SDCCAG8: variants seen among roughly 807,000 people sequenced by gnomAD.
SDCCAG8 encodes the protein SHH signaling and ciliogenesis regulator SDCCAG8.
Under a neutral mutation model 101.8 loss-of-function variants are expected in SDCCAG8, and 74 were observed. The observed-to-expected ratio is 0.73, with a 90% CI of 0.60 to 0.88. The LOEUF (loss-of-function observed/expected upper bound fraction) is 0.88. Among genes scored for constraint, SDCCAG8 ranks in the 40% least tolerant of loss-of-function variants. The pLI is 0.00. For synonymous variants in SDCCAG8, 281 were observed against 292.9 expected (o/e 0.96, Z 0.41); for missense variants, 787 against 822.6 (o/e 0.96, Z 0.53).
intron 16 of SDCCAG8, among the ~76,000 whole-genome samples, chr1:243,447,705 G>A (rs964594816): frequency 6.6e-6 from 1 of 152,106 alleles, no homozygotes; most frequent in Non-Finnish European, 1.5e-5. Flanking sequence ...TTTTTAGAGA[G>A]TCAGAATGTA....
chr1:243,402,407 A>T (rs933419929), intron 13 of SDCCAG8, among the ~76,000 whole-genome samples: 6 of 99,680 alleles, frequency 6.0e-5, no homozygotes, highest in South Asian at 2.8e-4. Flanking sequence ...TGTCTCAATT[A>T]AAAAAAAAAA....
chr1:243,293,274 T>C, intron 6 of SDCCAG8, 55 bp downstream of exon 6: 2 of 1,565,262 alleles, frequency 1.3e-6, no homozygotes, highest in Non-Finnish European at 1.7e-6. Context: ...TTCTCTTTTG[T>C]ACTTTTTTAA....
chr1:243,378,532 A>G (rs2077736410), intron 12 of SDCCAG8, among the ~76,000 whole-genome samples, 189 bp from the exon 13 acceptor site: 1 of 152,248 alleles, frequency 6.6e-6, no homozygotes, highest in Admixed American at 6.5e-5. Flanking sequence ...TTTACAATCC[A>G]AAATAAAACC....
intron 7 of SDCCAG8, chr1:243,305,081 C>A (rs771860998): frequency 9.9e-6 from 3 of 303,802 alleles, no homozygotes; most frequent in Non-Finnish European, 1.9e-5. Context: ...CTGAAGCGGG[C>A]GAATCACGAG....
At chr1:243,312,286 T>TA (rs1173052466) in intron 8 of SDCCAG8, among the ~76,000 whole-genome samples, 1 of 152,242 alleles carries the variant, frequency 6.6e-6, no homozygotes, top group African/African-American at 2.4e-5. Flanking sequence ...ATGGAATGTT[T>TA]AAAAATGATA....
At chr1:243,377,203 A>C (rs1052825924) in intron 12 of SDCCAG8, among the ~76,000 whole-genome samples, 4 of 152,146 alleles carry the variant, frequency 2.6e-5, no homozygotes, top group African/African-American at 9.6e-5. Flanking sequence ...TCTTACATAT[A>C]GGACTGTGTA....
At chr1:243,345,795 AG>A (rs2075667585) in intron 12 of SDCCAG8, among the ~76,000 whole-genome samples, 1 of 152,240 alleles carries the variant, frequency 6.6e-6, no homozygotes. Context: ...TTGCAATATT[AG>A]AAGTATTTGC....
intron 7 of SDCCAG8, chr1:243,305,029 G>A (rs1283658962): frequency 1.9e-5 from 8 of 432,190 alleles, no homozygotes; most frequent in African/African-American, 1.0e-4. Flanking sequence ...AATCACGGCC[G>A]GGCGCGGTGG....
intron 16 of SDCCAG8, among the ~76,000 whole-genome samples, chr1:243,482,693 G>T (rs142214461): frequency 6.6e-6 from 1 of 152,324 alleles, no homozygotes; most frequent in Admixed American, 6.5e-5. Context: ...GAGGGCCGGG[G>T]AGCACAGGGG....
At chr1:243,427,006 A>G (rs959417927) in intron 16 of SDCCAG8, among the ~76,000 whole-genome samples, 4 of 152,138 alleles carry the variant, frequency 2.6e-5, no homozygotes, top group Non-Finnish European at 5.9e-5. Context: ...TACAAACAAA[A>G]CCTTCACTTC....
At chr1:243,321,995 TG>T (rs1419110478) in intron 9 of SDCCAG8, among the ~76,000 whole-genome samples, 1 of 152,244 alleles carries the variant, frequency 6.6e-6, no homozygotes, top group African/African-American at 2.4e-5. Flanking sequence ...ACATTTGAGT[TG>T]ATGTATCTTT....
At chr1:243,351,806 A>G (rs1186269189) in intron 12 of SDCCAG8, among the ~76,000 whole-genome samples, 1 of 152,228 alleles carries the variant, frequency 6.6e-6, no homozygotes, top group East Asian at 1.9e-4. Flanking sequence ...TTATTTTTCT[A>G]AAATGCTGTG....
chr1:243,406,292 A>T (rs1416879048), intron 13 of SDCCAG8, among the ~76,000 whole-genome samples: 1 of 152,176 alleles, frequency 6.6e-6, no homozygotes, highest in Non-Finnish European at 1.5e-5. Flanking sequence ...GTATAATAGG[A>T]TACAGTAGTG....
intron 16 of SDCCAG8, among the ~76,000 whole-genome samples, chr1:243,477,033 C>CACACACACACACACACAGAGAG (rs942231630): frequency 6.7e-6 from 1 of 150,320 alleles, no homozygotes; most frequent in Non-Finnish European, 1.5e-5. Context: ...CACACACACA[C>CACACACACACACACACAGAGAG]AGAGAGAAAG....
At chr1:243,317,202 G>T (rs958500260) in intron 9 of SDCCAG8, among the ~76,000 whole-genome samples, 1 of 152,034 alleles carries the variant, frequency 6.6e-6, no homozygotes, top group Non-Finnish European at 1.5e-5. Context: ...TTAACACCCA[G>T]GCATTAGTTT....
At chr1:243,425,589 A>G (rs907458643) in intron 15 of SDCCAG8, among the ~76,000 whole-genome samples, 6 of 152,188 alleles carry the variant, frequency 3.9e-5, no homozygotes, top group African/African-American at 1.4e-4. Flanking sequence ...CTCATAATAT[A>G]CAAGAGTTTT....
chr1:243,480,327 TGGATGGATGGATAGGTG>T (rs1279540526), intron 16 of SDCCAG8, among the ~76,000 whole-genome samples: 1 of 93,820 alleles, frequency 1.1e-5, no homozygotes, highest in African/African-American at 4.5e-5. Flanking sequence ...ATGGGTGGGA[TGGATGGATGGATAGGTG>T]GGATGGATGG....
At chr1:243,440,355 C>T (rs536179646) in intron 16 of SDCCAG8, among the ~76,000 whole-genome samples, 1 of 152,192 alleles carries the variant, frequency 6.6e-6, no homozygotes, top group East Asian at 1.9e-4. Context: ...GCAGGTCTTC[C>T]TTTAAAACTA....
intron 12 of SDCCAG8, among the ~76,000 whole-genome samples, chr1:243,368,395 C>A (rs1275933675): frequency 6.6e-6 from 1 of 152,102 alleles, no homozygotes; most frequent in African/African-American, 2.4e-5. Context: ...GTTCTCTCCA[C>A]AAACATTATA....
Sources: gnomAD v4.1 joint callset for allele counts (sites outside exome capture counted in the v4.1 genomes callset) on GRCh38, gnomAD v4.1.1 for gene constraint, MANE v1.5 for transcripts, NCBI Gene and HGNC (gene_info 2026-07-23, HGNC 2026-07-21) for gene names.